SFMBT1: variants seen among roughly 807,000 people sequenced by gnomAD.
SFMBT1 encodes scm-like with four MBT domains protein 1.
In SFMBT1, 32 loss-of-function variants were observed where a neutral mutation model predicts 108.7. That is an observed-to-expected ratio of 0.29 (90% CI 0.22 to 0.40). The LOEUF (loss-of-function observed/expected upper bound fraction) is 0.40, where lower values mean the gene tolerates loss of function less well. Among genes scored for constraint, SFMBT1 ranks in the 10% least tolerant of loss-of-function variants. The pLI is 1.00. For missense variants in SFMBT1, 816 were observed against 1,059.6 expected (o/e 0.77, Z 3.19); for synonymous variants, 348 against 369.5 (o/e 0.94, Z 0.67).
chr3:52,962,071 C>T (rs1363281656), intron 2 of SFMBT1, among the ~76,000 whole-genome samples: 2 of 152,086 alleles, frequency 1.3e-5, no homozygotes, highest in Non-Finnish European at 1.5e-5. Context: ...CAAATTAAAA[C>T]GACAGAGATA....
At chr3:52,936,863 C>T (rs1468710580) in intron 4 of SFMBT1, among the ~76,000 whole-genome samples, 1 of 150,870 alleles carries the variant, frequency 6.6e-6, no homozygotes, top group African/African-American at 2.4e-5. Context: ...TTCTATAACG[C>T]TGAAAATCCT....
rs145059933 is a variant in SFMBT1 at position 53,016,746 on chromosome 3, CTCTT to C, written c.-131+29066_-131+29069del. On this transcript the variant is annotated intron_variant, in intron 1 of 20. Transcript: ENST00000394752. The stretch of plus-strand genomic sequence containing the variant: ...CCATTCTGTGGCTCATTTTTTCACT[CTCTT>C]TATGTCGTCTGTTGATAATGGTTTT... Among the ~76,000 whole-genome samples the C allele has an allele frequency of 9.0e-3, 1,364 of 152,192 alleles. 14 individuals carry two copies. Among genetic ancestry groups the C allele is most frequent in the African/African-American group, 0.031 (1,299 of 41,528 alleles).
intron 5 of SFMBT1, among the ~76,000 whole-genome samples, chr3:52,933,855 C>T (rs960804994): frequency 6.6e-6 from 1 of 151,770 alleles, no homozygotes; most frequent in Non-Finnish European, 1.5e-5. Context: ...ATACCAAAAG[C>T]ACAAGCAACA....
chr3:52,988,279 T>G (rs1414274785), intron 1 of SFMBT1, among the ~76,000 whole-genome samples: 1 of 152,226 alleles, frequency 6.6e-6, no homozygotes, highest in African/African-American at 2.4e-5. Flanking sequence ...ACACATATGC[T>G]GTACAATTAA....
At chr3:53,011,942 T>C (rs1018703187) in intron 1 of SFMBT1, among the ~76,000 whole-genome samples, 3 of 151,938 alleles carry the variant, frequency 2.0e-5, no homozygotes, top group African/African-American at 7.3e-5. Context: ...TAACTACTAA[T>C]CAGAAAATCT....
At chr3:52,950,753 C>T (rs1327630099) in intron 3 of SFMBT1, among the ~76,000 whole-genome samples, 4 of 152,018 alleles carry the variant, frequency 2.6e-5, no homozygotes, top group Non-Finnish European at 4.4e-5. Context: ...GGATTACAGG[C>T]GTGAGCCACC....
At chr3:52,916,272 A>AG in intron 13 of SFMBT1, 58 bp from the exon 14 acceptor site, 3 of 1,488,614 alleles carry the variant, frequency 2.0e-6, no homozygotes, top group Non-Finnish European at 2.8e-6. Context: ...GTAAAGTGTG[A>AG]GGCTTAGTTT....
In SFMBT1 at chr3:52,923,553, T is replaced by C. The variant is rs1575376054; in HGVS notation, c.1132-1722A>G. ...CCAGCCTGGGCAACAAGAGCAAAGCTCCATCAAAAAAAAAAAAAGAAAGAA... is the reference window on the plus strand; with the variant it reads ...CCAGCCTGGGCAACAAGAGCAAAGCCCCATCAAAAAAAAAAAAAGAAAGAA... On this transcript the variant is annotated intron_variant, in intron 10 of 20. Transcript: ENST00000394752. 9.4e-5 allele frequency among the ~76,000 whole-genome samples: 13 copies of C among 138,792 alleles called. No homozygotes were observed. The South Asian group carries it at 3.0e-3, about 32-fold the overall frequency. 91.1% of individuals were successfully genotyped at this position (138,792 alleles called of 152,430 possible).
At chr3:52,915,611 T>A (rs943498586) in intron 14 of SFMBT1, among the ~76,000 whole-genome samples, 1 of 152,194 alleles carries the variant, frequency 6.6e-6, no homozygotes, top group Non-Finnish European at 1.5e-5. Flanking sequence ...AACAAGCACG[T>A]GGAAGTTAAG....
At chr3:53,035,790 A>C (rs1275967855) in intron 1 of SFMBT1, among the ~76,000 whole-genome samples, 1 of 152,110 alleles carries the variant, frequency 6.6e-6, no homozygotes, top group Non-Finnish European at 1.5e-5. Flanking sequence ...ATGGGGTTTC[A>C]CTATTTTGGC....
intron 1 of SFMBT1, among the ~76,000 whole-genome samples, chr3:52,998,478 A>ACCC (rs1220599966): frequency 4.7e-5 from 7 of 150,502 alleles, no homozygotes; most frequent in Non-Finnish European, 7.5e-5. Flanking sequence ...GTGCAGCTTC[A>ACCC]AGCTGAGGAC....
At position 52,930,844 on chromosome 3, in the gene SFMBT1, T is replaced by C. The variant is rs149588086; in HGVS notation, c.795+97A>G. On this transcript the variant is annotated intron_variant, in intron 7 of 20. Coordinates refer to ENST00000394752, the MANE Select transcript of SFMBT1 (RefSeq NM_016329.4). ...CCTCCTTCAGAGACCATGGCATTCT[T>C]ACCGACTGCAGGGGCTGCTTTACAC... is the stretch of plus-strand genomic sequence containing the variant. 2.5e-3 allele frequency: 2,240 copies of C among 909,444 alleles called. 3 individuals carry two copies. The highest frequency in any genetic ancestry group is 3.2e-3 in the Non-Finnish European group (1,827 of 566,322). The allele number at this position is 909,444 out of a possible 1,614,324, so 56.3% of individuals were successfully genotyped here.
At chr3:52,992,128 G>A (rs968286321) in intron 1 of SFMBT1, among the ~76,000 whole-genome samples, 1 of 152,176 alleles carries the variant, frequency 6.6e-6, no homozygotes, top group South Asian at 2.1e-4. Context: ...GCCCATTGCT[G>A]TTGCCCACTC....
chr3:53,039,307 G>A (rs1224556868), intron 1 of SFMBT1, among the ~76,000 whole-genome samples: 2 of 152,142 alleles, frequency 1.3e-5, no homozygotes, highest in Non-Finnish European at 2.9e-5. Context: ...TCTGACACAT[G>A]CTACAACATG....
chr3:52,971,965 C>G (rs1412634659), intron 1 of SFMBT1, among the ~76,000 whole-genome samples: 1 of 152,236 alleles, frequency 6.6e-6, no homozygotes, highest in Non-Finnish European at 1.5e-5. Context: ...TTAATATTTA[C>G]TGAGGACTGC....
chr3:52,931,921 A>G, intron 6 of SFMBT1, 141 bp downstream of exon 6: 4 of 962,834 alleles, frequency 4.2e-6, no homozygotes, highest in East Asian at 5.3e-5. Flanking sequence ...TAACAACTCC[A>G]TATAAACTGT....
chr3:52,959,577 T>A (rs1481598533), intron 2 of SFMBT1, among the ~76,000 whole-genome samples: 1 of 152,160 alleles, frequency 6.6e-6, no homozygotes, highest in Non-Finnish European at 1.5e-5. Flanking sequence ...CAAAGAATCA[T>A]CTCCCAGTGT....
At position 52,921,793 on chromosome 3, in the gene SFMBT1, G is replaced by A. The variant is rs147500116; in HGVS notation, c.1170C>T (p.Leu390=). Residue 390 remains leucine (L), a synonymous_variant, in exon 11 of 21, where the codon CTC becomes CTT. Coordinates refer to ENST00000394752, the MANE Select transcript of SFMBT1 (RefSeq NM_016329.4). ...CAGGGAGAATGGGGTTCACCGCCTC[G>A]AGCTTCATGTTCTCCTTAAATTCAT... The part of the protein sequence containing the change: ...SEHEFKENMK[L]EAVNPILPEE... The A allele has an allele frequency of 3.8e-5, 62 of 1,613,990 alleles. No homozygotes were observed. Among genetic ancestry groups the A allele is most frequent in the African/African-American group, 1.9e-4 (14 of 75,038 alleles).
chr3:52,939,417 T>G (rs1459045283), intron 4 of SFMBT1, among the ~76,000 whole-genome samples: 1 of 151,952 alleles, frequency 6.6e-6, no homozygotes, highest in African/African-American at 2.4e-5. Flanking sequence ...CAACTAAAAA[T>G]ATAAAAATTA....
Sources: gnomAD v4.1 joint callset for allele counts (sites outside exome capture counted in the v4.1 genomes callset) on GRCh38, gnomAD v4.1.1 for gene constraint, MANE v1.5 for transcripts, NCBI Gene and HGNC (gene_info 2026-07-23, HGNC 2026-07-21) for gene names.